PHACTR1: variants seen among roughly 807,000 people sequenced by gnomAD.
PHACTR1 encodes the protein RPEL repeat containing 1.
PHACTR1 carries 16 observed loss-of-function variants against 69.2 expected under a neutral mutation model. The observed-to-expected ratio is 0.23, with a 90% confidence interval of 0.16 to 0.35. The LOEUF (loss-of-function observed/expected upper bound fraction) is 0.35. Ranked by LOEUF, PHACTR1 falls within the 10% of genes least tolerant of loss-of-function variation. The pLI, the probability that PHACTR1 is intolerant of heterozygous loss-of-function variation, is 1.00. For synonymous variants in PHACTR1, 312 were observed against 284.5 expected, an observed-to-expected ratio of 1.10 and a Z score of -0.97; for missense variants, 510 against 734.7, an observed-to-expected ratio of 0.69 and a Z score of 3.54.
intron 3 of PHACTR1, among the ~76,000 whole-genome samples, chr6:12,729,173 T>G (rs1270258523): frequency 6.6e-6 from 1 of 152,112 alleles, no homozygotes; most frequent in Non-Finnish European, 1.5e-5. Flanking sequence ...TCTAAGCCCT[T>G]TGGAGACACG....
intron 4 of PHACTR1, among the ~76,000 whole-genome samples, chr6:12,971,108 G>A (rs936490692): frequency 2.6e-5 from 4 of 152,162 alleles, no homozygotes; most frequent in East Asian, 1.9e-4. Context: ...GAGACCTTGC[G>A]TGCTCTGACC....
chr6:13,044,897 C>T (rs879235381), intron 4 of PHACTR1, among the ~76,000 whole-genome samples: 1 of 152,078 alleles, frequency 6.6e-6, no homozygotes, highest in Non-Finnish European at 1.5e-5. Context: ...TGATCTAGGG[C>T]GGGTATTCGC....
At chr6:12,926,192 T>C (rs542440890) in intron 4 of PHACTR1, among the ~76,000 whole-genome samples, 30 of 152,350 alleles carry the variant, frequency 2.0e-4, no homozygotes, top group African/African-American at 7.0e-4. Context: ...CTTCCTCGTC[T>C]AGAATTATGG....
intron 4 of PHACTR1, among the ~76,000 whole-genome samples, chr6:12,757,224 G>A (rs182646505): frequency 1.2e-3 from 189 of 152,248 alleles, no homozygotes; most frequent in African/African-American, 4.5e-3. Flanking sequence ...ATATGGGGTG[G>A]GGAGCAGAGT....
intron 5 of PHACTR1, among the ~76,000 whole-genome samples, chr6:13,118,278 C>G (rs1382306106): frequency 1.3e-5 from 2 of 152,146 alleles, no homozygotes; most frequent in African/African-American, 2.4e-5. Flanking sequence ...GTGAAGACGG[C>G]AGTTGTTCCC....
At chr6:12,752,285 A>C (rs770177970) in intron 4 of PHACTR1, among the ~76,000 whole-genome samples, 1 of 152,222 alleles carries the variant, frequency 6.6e-6, no homozygotes, top group Non-Finnish European at 1.5e-5. Context: ...AGCAAGTTGT[A>C]ATTAAACTAT....
At chr6:13,268,298 T>C (rs1777104994) in intron 10 of PHACTR1, among the ~76,000 whole-genome samples, 1 of 152,138 alleles carries the variant, frequency 6.6e-6, no homozygotes, top group Non-Finnish European at 1.5e-5. Flanking sequence ...CCTCTGAGCA[T>C]GCCAAAGAGA....
At chr6:12,723,359 C>T (rs1458666748) in intron 3 of PHACTR1, among the ~76,000 whole-genome samples, 1 of 152,112 alleles carries the variant, frequency 6.6e-6, no homozygotes, top group Non-Finnish European at 1.5e-5. Flanking sequence ...CAGGCCCCAC[C>T]CTAGACCTAG....
intron 4 of PHACTR1, among the ~76,000 whole-genome samples, chr6:13,050,504 AC>A (rs1019244292): frequency 4.6e-5 from 7 of 152,114 alleles, no homozygotes; most frequent in Admixed American, 2.6e-4. Context: ...TTTTGATCCC[AC>A]TTCTTCGCCT....
At chr6:12,825,874 G>A (rs1776749063) in intron 4 of PHACTR1, among the ~76,000 whole-genome samples, 2 of 151,866 alleles carry the variant, frequency 1.3e-5, no homozygotes, top group Admixed American at 1.3e-4. Context: ...CTCCACTCAC[G>A]AGGAGATAAA....
At chr6:12,925,169 A>G (rs1486184673) in intron 4 of PHACTR1, among the ~76,000 whole-genome samples, 1 of 152,246 alleles carries the variant, frequency 6.6e-6, no homozygotes, top group African/African-American at 2.4e-5. Flanking sequence ...GTGCAATGCA[A>G]ACTTCAAGAA....
rs569245155 is a variant in PHACTR1 at position 13,220,101 on chromosome 6, AGG to A, written c.987-7713_987-7712del. On this transcript the variant is annotated intron_variant, in intron 8 of 14. Coordinates refer to ENST00000332995, the MANE Select transcript of PHACTR1 (RefSeq NM_030948.6). ...ATGAACATTTACAACACGCTTTCATAGGGCACTAAAGGACCATCTGCGGTAGC... is the reference window on the plus strand; with the variant it reads ...ATGAACATTTACAACACGCTTTCATAGCACTAAAGGACCATCTGCGGTAGC... Among the ~76,000 whole-genome samples the A allele has an allele frequency of 2.6e-5, 4 of 152,354 alleles. No individual in the cohort carries two copies. The South Asian group carries it at 8.3e-4, about 32-fold the overall frequency.
At chr6:13,195,347 C>T (rs1764222659) in intron 7 of PHACTR1, among the ~76,000 whole-genome samples, 1 of 152,156 alleles carries the variant, frequency 6.6e-6, no homozygotes, top group African/African-American at 2.4e-5. Flanking sequence ...TGGCAAATGA[C>T]TGAGAAAATT....
chr6:12,767,785 T>G (rs1768828319), intron 4 of PHACTR1, among the ~76,000 whole-genome samples: 1 of 152,146 alleles, frequency 6.6e-6, no homozygotes, highest in African/African-American at 2.4e-5. Context: ...AGATCATTGA[T>G]GAAGAAAATA....
At chr6:12,817,099 C>A (rs1035541408) in intron 4 of PHACTR1, among the ~76,000 whole-genome samples, 1 of 151,958 alleles carries the variant, frequency 6.6e-6, no homozygotes, top group African/African-American at 2.4e-5. Flanking sequence ...CTTTGATTGT[C>A]GGGAAGATAG....
chr6:12,897,665 T>G (rs926957292), intron 4 of PHACTR1, among the ~76,000 whole-genome samples: 1 of 151,826 alleles, frequency 6.6e-6, no homozygotes, highest in Non-Finnish European at 1.5e-5. Flanking sequence ...TATTGTGTAT[T>G]TGTTCTAACA....
intron 4 of PHACTR1, among the ~76,000 whole-genome samples, chr6:12,990,616 A>G (rs1442952221): frequency 6.6e-6 from 1 of 152,254 alleles, no homozygotes; most frequent in Admixed American, 6.5e-5. Flanking sequence ...TAGCAAATGT[A>G]TACAATTTGC....
chr6:13,189,326 AT>A (rs561596864), intron 7 of PHACTR1, among the ~76,000 whole-genome samples: 14 of 151,396 alleles, frequency 9.2e-5, no homozygotes, highest in African/African-American at 2.4e-4. Flanking sequence ...GCATGAACCT[AT>A]TTTTTTTGAC....
At chr6:13,219,729 A>G (rs1404225421) in intron 8 of PHACTR1, among the ~76,000 whole-genome samples, 3 of 152,220 alleles carry the variant, frequency 2.0e-5, no homozygotes, top group Admixed American at 2.0e-4. Flanking sequence ...AGCAAAATTC[A>G]TAGCAAGAGA....
Sources: gnomAD v4.1 joint callset for allele counts (sites outside exome capture counted in the v4.1 genomes callset) on GRCh38, gnomAD v4.1.1 for gene constraint, MANE v1.5 for transcripts, NCBI Gene and HGNC (gene_info 2026-07-23, HGNC 2026-07-21) for gene names.